The following ENTREP2 variants were observed in gnomAD, a reference collection of about 807,000 sequenced individuals.
ENTREP2 encodes the protein endosomal transmembrane epsin interactor 2, also known as protein ENTREP2.
At chr15:29,603,481 C>T in the ENTREP2 span, among the ~76,000 whole-genome samples, 48 of 152,156 alleles carry the variant, frequency 3.2e-4, no homozygotes, top group Non-Finnish European at 1.9e-4. Flanking sequence ...AAAGAACCTG[C>T]AAAGATGACT....
chr15:29,136,451 A>G, the ENTREP2 span: 1 of 1,547,862 alleles, frequency 6.5e-7, no homozygotes, highest in African/African-American at 1.4e-5. Context: ...ATTGATGGCC[A>G]CGTCATACAA....
chr15:29,326,777 G>C, the ENTREP2 span, among the ~76,000 whole-genome samples: 4 of 152,002 alleles, frequency 2.6e-5, no homozygotes, highest in Admixed American at 2.6e-4. Context: ...GAAGAAAAAA[G>C]AAGTTGAAGC....
chr15:29,572,095 A>G, the ENTREP2 span, among the ~76,000 whole-genome samples: 1 of 152,214 alleles, frequency 6.6e-6, no homozygotes, highest in Non-Finnish European at 1.5e-5. Flanking sequence ...ACGATCCTCT[A>G]TTAAAATGCA....
At chr15:29,231,892 TTC>T in the ENTREP2 span, among the ~76,000 whole-genome samples, 22 of 143,232 alleles carry the variant, frequency 1.5e-4, 1 homozygote, top group Admixed American at 9.4e-4. Flanking sequence ...TTTCTTTTCT[TTC>T]TTTTTTTTTT....
At chr15:29,279,222 C>T in the ENTREP2 span, among the ~76,000 whole-genome samples, 85,729 of 152,016 alleles carry the variant, frequency 0.56, 25,513 homozygotes, top group Middle Eastern at 0.68. Context: ...TGCCTGGTTA[C>T]TGCAGAGTGT....
chr15:29,392,990 A>G, the ENTREP2 span, among the ~76,000 whole-genome samples: 45 of 152,238 alleles, frequency 3.0e-4, no homozygotes, highest in Non-Finnish European at 6.3e-4. Context: ...TTATATCTCA[A>G]TATCTAGAAA....
chr15:29,429,234 T>C, the ENTREP2 span, among the ~76,000 whole-genome samples: 18 of 146,498 alleles, frequency 1.2e-4, no homozygotes, highest in African/African-American at 3.2e-4. Flanking sequence ...TCCATCCATC[T>C]ATCTTGAGAT....
the ENTREP2 span, among the ~76,000 whole-genome samples, chr15:29,227,844 G>C: frequency 6.6e-6 from 1 of 152,162 alleles, no homozygotes; most frequent in African/African-American, 2.4e-5. Flanking sequence ...GTAGAAATCA[G>C]TTACAGAAAA....
chr15:29,651,991 G>C, the ENTREP2 span, among the ~76,000 whole-genome samples: 1 of 152,168 alleles, frequency 6.6e-6, no homozygotes, highest in Non-Finnish European at 1.5e-5. Flanking sequence ...CTGTGGATTG[G>C]AGGGGGAACT....
At chr15:29,664,574 G>A in the ENTREP2 span, among the ~76,000 whole-genome samples, 1 of 152,128 alleles carries the variant, frequency 6.6e-6, no homozygotes, top group South Asian at 2.1e-4. Flanking sequence ...GGGTGCTTGC[G>A]TGATGGGGTG....
chr15:29,268,146 T>C, the ENTREP2 span: 2 of 152,150 alleles, frequency 1.3e-5, no homozygotes, highest in Non-Finnish European at 2.9e-5. Context: ...AAACACACAA[T>C]GCTTAAGTGC....
the ENTREP2 span, among the ~76,000 whole-genome samples, chr15:29,615,839 C>A: frequency 6.6e-6 from 1 of 152,178 alleles, no homozygotes; most frequent in Non-Finnish European, 1.5e-5. Flanking sequence ...ATCCACTGTG[C>A]AGATTGTCTT....
chr15:29,376,461 A>G, the ENTREP2 span: 1 of 152,214 alleles, frequency 6.6e-6, no homozygotes, highest in African/African-American at 2.4e-5. Context: ...ATTTAAAAAA[A>G]AAACTATCCC....
At chr15:29,323,773 C>T in the ENTREP2 span, among the ~76,000 whole-genome samples, 1 of 152,048 alleles carries the variant, frequency 6.6e-6, no homozygotes, top group Non-Finnish European at 1.5e-5. Context: ...GTGGGGAAAA[C>T]CCCCACAATT....
At chr15:29,518,187 T>C in the ENTREP2 span, among the ~76,000 whole-genome samples, 1 of 151,966 alleles carries the variant, frequency 6.6e-6, no homozygotes, top group Non-Finnish European at 1.5e-5. Context: ...GGTGAAAGAG[T>C]GAGACCTAGT....
the ENTREP2 span, among the ~76,000 whole-genome samples, chr15:29,663,976 C>T: frequency 3.3e-5 from 5 of 150,388 alleles, no homozygotes; most frequent in Non-Finnish European, 7.4e-5. Flanking sequence ...TGCAGTGAGC[C>T]GAGATCGCGC....
chr15:29,568,655 G>C, the ENTREP2 span, among the ~76,000 whole-genome samples: 25 of 146,100 alleles, frequency 1.7e-4, no homozygotes, highest in African/African-American at 6.1e-4. Flanking sequence ...CGTGAGCTAT[G>C]ATAGTGTCAC....
chr15:29,203,877 T>A, the ENTREP2 span, among the ~76,000 whole-genome samples: 1 of 152,178 alleles, frequency 6.6e-6, no homozygotes, highest in African/African-American at 2.4e-5. Flanking sequence ...GGCATTAAGA[T>A]TGAAGTAGCT....
chr15:29,418,369 G>A, the ENTREP2 span, among the ~76,000 whole-genome samples: 1 of 152,088 alleles, frequency 6.6e-6, no homozygotes, highest in Admixed American at 6.6e-5. Context: ...CCTCGACCCA[G>A]AAGGACAAGG....
Sources: allele counts gnomAD v4.1 joint callset (sites outside exome capture counted in the v4.1 genomes callset), GRCh38; gene constraint gnomAD v4.1.1; transcripts MANE v1.5; gene names NCBI Gene and HGNC (gene_info 2026-07-23, HGNC 2026-07-21).